Variants in TGFA observed in about 807,000 individuals in gnomAD.
TGFA encodes protransforming growth factor alpha.
A neutral mutation model predicts 21.7 loss-of-function variants in TGFA; 12 were observed. The observed-to-expected ratio is 0.55, with a 90% CI of 0.35 to 0.90. TGFA has a LOEUF of 0.90. Ranked by LOEUF, TGFA falls within the 40% of genes least tolerant of loss-of-function variation. The probability of loss-of-function intolerance (pLI) is 0.01; values close to 1 mark genes in which losing one functional copy is unlikely to be tolerated. For synonymous variants in TGFA, 79 were observed against 88.1 expected, an observed-to-expected ratio of 0.90 and a Z score of 0.58; for missense variants, 178 against 210.8, an observed-to-expected ratio of 0.84 and a Z score of 0.96.
chr2:70,553,674 C>CG lies in TGFA; in HGVS notation c.40+53dup, dbSNP rs543506504. The CG allele has an allele frequency of 3.0e-3, 3,973 of 1,327,502 alleles. 17 individuals are homozygous for CG. The highest frequency in any genetic ancestry group is 0.017 in the East Asian group (559 of 32,902). 82.2% of individuals were successfully genotyped at this position (1,327,502 alleles called of 1,614,324 possible). On this transcript the variant is annotated intron_variant, in intron 1 of 5. Transcript: ENST00000295400. ...CCGGAAAGGGGAACTCGGCGGGGAC[C>CG]GGGGGAAGCAGGGTGTCGCGCGGCG...
intron 3 of TGFA, among the ~76,000 whole-genome samples, 191 bp downstream of exon 3, chr2:70,465,425 C>T (rs3732247): frequency 0.22 from 33,654 of 152,072 alleles, 4,479 homozygotes; most frequent in East Asian, 0.4. Flanking sequence ...GGGCTGGGGG[C>T]CTTGGAACCT....
At chr2:70,494,367 A>C (rs1671520214) in intron 2 of TGFA, among the ~76,000 whole-genome samples, 1 of 152,220 alleles carries the variant, frequency 6.6e-6, no homozygotes, top group Non-Finnish European at 1.5e-5. Context: ...ACCACAATTC[A>C]GCCTTCTGCA....
At position 70,448,469 on chromosome 2, in the gene TGFA, AAC is replaced by A. The variant is rs1669952191; in HGVS notation, c.*2388_*2389del. Reference sequence around the variant, plus strand: ...CAATTCATTTTCTAAAGGGCAAGGAAACACAGGGAGCTTGCAGAGATGGATTA... The same window carrying A: ...CAATTCATTTTCTAAAGGGCAAGGAAACAGGGAGCTTGCAGAGATGGATTA... On this transcript the variant is annotated 3_prime_UTR_variant, in exon 6 of 6. Transcript: ENST00000295400. The A allele has an allele frequency of 6.6e-6, 1 of 152,204 alleles. No individual in the cohort carries two copies. Among genetic ancestry groups the A allele is most frequent in the Admixed American group, 6.5e-5 (1 of 15,288 alleles). The allele number at this position is 152,204 out of a possible 1,614,324, so 9.4% of individuals were successfully genotyped here. A position where few individuals can be genotyped will look rare whatever the true frequency, so the allele number is the denominator to read the frequency against.
intron 1 of TGFA, among the ~76,000 whole-genome samples, chr2:70,550,438 C>A (rs1002706412): frequency 1.1e-4 from 17 of 151,118 alleles, no homozygotes; most frequent in Non-Finnish European, 2.1e-4. Context: ...AAAGGAGATA[C>A]AAAAAATTTG....
At chr2:70,512,325 C>T (rs1672128493) in intron 2 of TGFA, among the ~76,000 whole-genome samples, 1 of 152,128 alleles carries the variant, frequency 6.6e-6, no homozygotes, top group Non-Finnish European at 1.5e-5. Context: ...AGTGACCCAT[C>T]AAACAGAGAG....
At chr2:70,502,858 C>T (rs532738976) in intron 2 of TGFA, among the ~76,000 whole-genome samples, 4 of 152,286 alleles carry the variant, frequency 2.6e-5, no homozygotes, top group African/African-American at 4.8e-5. Context: ...ATGTAAGCCT[C>T]GCCCTGTTCT....
intron 2 of TGFA, among the ~76,000 whole-genome samples, chr2:70,497,277 T>C (rs1671604304): frequency 6.6e-6 from 1 of 152,232 alleles, no homozygotes. Context: ...CTTGTAGCTG[T>C]TGATATGAGA....
chr2:70,450,744 G>T lies in TGFA; in HGVS notation c.*115C>A. 1.6e-6 allele frequency: 2 copies of T among 1,252,692 alleles called. No homozygotes were observed. Among genetic ancestry groups the T allele is most frequent in the Non-Finnish European group, 2.3e-6 (2 of 875,898 alleles). 77.6% of individuals were successfully genotyped at this position (1,252,692 alleles called of 1,614,324 possible). ...ACAAAAGGCTGCACAGGTGATTACA[G>T]GCCAAGTAGGAAGGTCTGTGGCACA... On this transcript the variant is annotated 3_prime_UTR_variant, in exon 6 of 6. Transcript: ENST00000295400.
At chr2:70,521,655 C>G (rs1396073818) in intron 1 of TGFA, among the ~76,000 whole-genome samples, 3 of 113,308 alleles carry the variant, frequency 2.6e-5, no homozygotes, top group Non-Finnish European at 5.0e-5. Flanking sequence ...CGCTCTGTCT[C>G]CTAGGCTGGA....
intron 1 of TGFA, among the ~76,000 whole-genome samples, chr2:70,541,463 G>T (rs1181627338): frequency 6.6e-6 from 1 of 152,190 alleles, no homozygotes; most frequent in Non-Finnish European, 1.5e-5. Context: ...CTAGTAAGAG[G>T]ATGTCTCTGG....
At chr2:70,502,681 A>G (rs890473213) in intron 2 of TGFA, among the ~76,000 whole-genome samples, 6 of 152,216 alleles carry the variant, frequency 3.9e-5, no homozygotes, top group Non-Finnish European at 5.9e-5. Flanking sequence ...TGATCCTGTC[A>G]TGGCCCTTAT....
Position 70,509,716 on chromosome 2 carries a change from G to A in TGFA, c.94+5143C>T, listed in dbSNP as rs568907329. On this transcript the variant is annotated intron_variant, in intron 2 of 5. Coordinates refer to ENST00000295400, the MANE Select transcript of TGFA (RefSeq NM_003236.4). The stretch of plus-strand genomic sequence containing the variant: ...GGCAGATAGCAGATGGAAGCCTGGA[G>A]GCTGGTTCCCGGGCGCCTGAGTAAT... 2.0e-5 allele frequency among the ~76,000 whole-genome samples: 3 copies of A among 152,310 alleles called. No individual in the cohort carries two copies. In the East Asian group the frequency reaches 5.8e-4, roughly 29 times the overall value.
At chr2:70,455,328 A>C (rs782132344) in intron 4 of TGFA, among the ~76,000 whole-genome samples, 1 of 152,214 alleles carries the variant, frequency 6.6e-6, no homozygotes, top group Non-Finnish European at 1.5e-5. Context: ...CTCAATAGCC[A>C]CAAACCAAAG....
chr2:70,546,140 G>A (rs1673294792), intron 1 of TGFA, among the ~76,000 whole-genome samples: 1 of 152,160 alleles, frequency 6.6e-6, no homozygotes, highest in Non-Finnish European at 1.5e-5. Flanking sequence ...ATTACAGGAT[G>A]TGCCAAACAT....
intron 1 of TGFA, among the ~76,000 whole-genome samples, chr2:70,550,553 G>T (rs1673464196): frequency 6.6e-6 from 1 of 152,126 alleles, no homozygotes; most frequent in Non-Finnish European, 1.5e-5. Context: ...GGGCACGGTG[G>T]CTCACGCCTG....
intron 2 of TGFA, among the ~76,000 whole-genome samples, chr2:70,509,524 A>C (rs938814405): frequency 7.9e-5 from 12 of 152,110 alleles, no homozygotes; most frequent in Non-Finnish European, 1.6e-4. Context: ...TCGCACTGTA[A>C]ATTTCCATGT....
chr2:70,452,771 G>A (rs11466265), intron 5 of TGFA, among the ~76,000 whole-genome samples: 5,722 of 152,042 alleles, frequency 0.038, 298 homozygotes, highest in African/African-American at 0.13. Flanking sequence ...GCGAAACCCC[G>A]TCTCTACTAA....
chr2:70,504,680 A>G (rs1553499874), intron 2 of TGFA, among the ~76,000 whole-genome samples: 1 of 152,016 alleles, frequency 6.6e-6, no homozygotes, highest in Non-Finnish European at 1.5e-5. Context: ...AATTTTAATG[A>G]AATGAAGGGT....
At chr2:70,491,391 CA>C (rs1553497605) in intron 2 of TGFA, among the ~76,000 whole-genome samples, 1 of 152,128 alleles carries the variant, frequency 6.6e-6, no homozygotes, top group East Asian at 1.9e-4. Flanking sequence ...CAACCCAAAC[CA>C]AAGTTTTCAG....
Sources: gnomAD v4.1 joint callset for allele counts (sites outside exome capture counted in the v4.1 genomes callset) on GRCh38, gnomAD v4.1.1 for gene constraint, MANE v1.5 for transcripts, NCBI Gene and HGNC (gene_info 2026-07-23, HGNC 2026-07-21) for gene names.